PRDM8: variants seen among roughly 807,000 people sequenced by gnomAD.
The protein encoded by PRDM8 is PR/SET domain 8.
A neutral mutation model predicts 46.5 loss-of-function variants in PRDM8; 13 were observed. The observed-to-expected ratio is 0.28, with a 90% CI of 0.18 to 0.44. The LOEUF (loss-of-function observed/expected upper bound fraction) is 0.44, where lower values mean the gene tolerates loss of function less well. Ranked by LOEUF, PRDM8 falls within the 20% of genes least tolerant of loss-of-function variation. The pLI, the probability that PRDM8 is intolerant of heterozygous loss-of-function variation, is 1.00. For synonymous variants in PRDM8, 473 were observed against 438.4 expected, an observed-to-expected ratio of 1.08 and a Z score of -0.98; for missense variants, 998 against 955.0, an observed-to-expected ratio of 1.04 and a Z score of -0.59.
chr4:80,186,162 A>G (rs1324207618), intron 1 of PRDM8, among the ~76,000 whole-genome samples: 1 of 152,144 alleles, frequency 6.6e-6, no homozygotes, highest in African/African-American at 2.4e-5. Flanking sequence ...AAAAGGAAAG[A>G]CTGGGTTGTT....
In PRDM8 at chr4:80,202,314, C is replaced by T; in HGVS notation, c.852C>T (p.Ser284=). 3 of 1,609,248 alleles carry T rather than the reference C, an allele frequency of 1.9e-6. No individual in the cohort carries two copies. Among genetic ancestry groups the T allele is most frequent in the Non-Finnish European group, 2.5e-6 (3 of 1,178,426 alleles). ...GSSCSPAQSL[S]SGSGSGGGGG... is the part of the protein sequence containing the mutation. ...GCTGCTCCCCAGCCCAGAGCCTCAG[C>T]AGCGGTAGCGGCAGCGGCGGCGGCG... The change falls in exon 4 of 4, where the codon AGC becomes AGT. Residue 284 remains serine (S), a synonymous_variant. Transcript: ENST00000415738.
Position 80,201,935 on chromosome 4 carries a change from T to G in PRDM8, c.473T>G (p.Leu158Arg). Residue 158 changes from leucine to arginine, a missense_variant, in exon 4 of 4, where the codon CTG becomes CGG. By Grantham distance (102) the Leu-to-Arg change is moderately radical. Transcript: ENST00000415738. Reference sequence around the variant, plus strand: ...GCAGGGTCGTCCCCTTACACATGCCTGGAATGCAGCCAACGTTTCCAGTTT... The same window carrying G: ...GCAGGGTCGTCCCCTTACACATGCCGGGAATGCAGCCAACGTTTCCAGTTT... ...KMNGSSPYTC[L>R]ECSQRFQFEF... is the part of the protein sequence containing the mutation. 1 of 1,613,994 alleles carries G rather than the reference T, an allele frequency of 6.2e-7. No homozygotes were observed. Among genetic ancestry groups the G allele is most frequent in the Non-Finnish European group, 8.5e-7 (1 of 1,179,988 alleles).
In PRDM8 at chr4:80,203,166, C is replaced by T. The variant is rs1015019745; in HGVS notation, c.1704C>T (p.Gly568=). The T allele has an allele frequency of 6.5e-7, 1 of 1,544,178 alleles. No homozygotes were observed. Among genetic ancestry groups the T allele is most frequent in the Non-Finnish European group, 8.7e-7 (1 of 1,151,034 alleles). ...GCGSLPSGGG[G]LPKQSPFLYA... is the part of the protein sequence containing the mutation. ...GGTCCCTGCCGAGCGGCGGCGGCGG[C>T]CTGCCTAAGCAGAGCCCCTTCCTGT... is the stretch of plus-strand genomic sequence containing the variant. The change falls in exon 4 of 4, where the codon GGC becomes GGT. Residue 568 remains glycine (G), a synonymous_variant. Coordinates refer to ENST00000415738, the MANE Select transcript of PRDM8 (RefSeq NM_001099403.2).
rs766078819 is a variant in PRDM8 at position 80,202,109 on chromosome 4, A to T, written c.647A>T (p.Gln216Leu). The T allele has an allele frequency of 4.0e-5, 64 of 1,606,326 alleles. No individual in the cohort carries two copies. The highest frequency in any genetic ancestry group is 1.0e-4 in the Admixed American group (6 of 59,410). The stretch of plus-strand genomic sequence containing the variant: ...GGTGGCAAAGACCAGCAGCAGCAGC[A>T]GCAGGAGGCACCTTTAGGCCCGGGT... The part of the protein sequence containing the change: ...GGGGKDQQQQ[Q>L]QEAPLGPGPK... The change falls in exon 4 of 4, where the codon CAG (glutamine) becomes CTG (leucine). Residue 216 changes from glutamine to leucine, a missense_variant. Transcript: ENST00000415738.
Position 80,200,129 on chromosome 4 carries a change from G to A in PRDM8, c.49G>A (p.Ala17Thr), listed in dbSNP as rs1279163542. ...AGGCATCTGGGATGGAGATGCCAAG[G>A]CTGTCCAACAATGTCTGACAGATAT... ...QRGIWDGDAK[A>T]VQQCLTDIFT... The change falls in exon 2 of 4, where the codon GCT becomes ACT. Residue 17 changes from alanine to threonine, a missense_variant. Ala to Thr is a moderately conservative substitution (Grantham distance 58). Transcript: ENST00000415738. 1 of 1,613,942 alleles carries A rather than the reference G, an allele frequency of 6.2e-7. No homozygotes were observed. Among genetic ancestry groups the A allele is most frequent in the Non-Finnish European group, 8.5e-7 (1 of 1,180,008 alleles).
chr4:80,197,672 C>T lies in PRDM8; in HGVS notation c.-94C>T, dbSNP rs1407107699. ...ACCAACACCTCTTGACATGGAAATA[C>T]ACTGATACAATAGGCAAAAGGAAAC... On this transcript the variant is annotated 5_prime_UTR_variant, in exon 1 of 4. Transcript: ENST00000415738. The T allele has an allele frequency of 2.0e-6, 2 of 983,172 alleles. No homozygotes were observed. Among genetic ancestry groups the T allele is most frequent in the East Asian group, 2.3e-4 (2 of 8,690 alleles). 60.9% of individuals were successfully genotyped at this position (983,172 alleles called of 1,614,324 possible).
Position 80,203,634 on chromosome 4 carries a change from C to G in PRDM8, c.*102C>G, listed in dbSNP as rs569423315. 172 of 1,463,938 alleles carry G rather than the reference C, an allele frequency of 1.2e-4. 3 individuals carry two copies. In the East Asian group the frequency reaches 4.3e-3, roughly 37 times the overall value. The allele number at this position is 1,463,938 out of a possible 1,614,324, so 90.7% of individuals were successfully genotyped here. On this transcript the variant is annotated 3_prime_UTR_variant, in exon 4 of 4. Transcript: ENST00000415738. The stretch of plus-strand genomic sequence containing the variant: ...CCACCGCTTCCTTGCACCCCGAAAC[C>G]CTGCACAAAGACACATACATTCACC...
rs1738064892 is a variant in PRDM8, at chr4:80,197,625, G to A, written c.-141G>A. On this transcript the variant is annotated 5_prime_UTR_variant, in exon 1 of 4. Transcript: ENST00000415738. The stretch of plus-strand genomic sequence containing the variant: ...CTCCATCTCTCTCTTATCTCTTCAG[G>A]AAGAGCCTAAAAGGCGGCAACACCA... 1.7e-5 allele frequency: 17 copies of A among 981,314 alleles called. No homozygotes were observed. The highest frequency in any genetic ancestry group is 1.9e-5 in the Non-Finnish European group (16 of 826,990). The allele number at this position is 981,314 out of a possible 1,614,324, so 60.8% of individuals were successfully genotyped here.
Position 80,202,467 on chromosome 4 carries a change from CT to C in PRDM8, c.1007del (p.Phe336SerfsTer2). 6 of 1,538,622 alleles carry C rather than the reference CT, an allele frequency of 3.9e-6. No individual in the cohort carries two copies. The highest frequency in any genetic ancestry group is 3.6e-5 in the South Asian group (3 of 83,928). ...GAGLVGGRGR[F>X]VERPLPASKE... is the part of the protein sequence containing the mutation. ...CTGGTCTGGTAGGGGGCCGGGGCCG[CT>C]TCGTAGAGCGGCCCCTCCCGGCCTC... On this transcript the variant is annotated frameshift_variant, in exon 4 of 4. Transcript: ENST00000415738. LOFTEE classifies it high-confidence loss of function.
chr4:80,200,318 T>A lies in PRDM8; in HGVS notation c.219+19T>A. 6.3e-7 allele frequency: 1 copy of A among 1,577,770 alleles called. No individual in the cohort carries two copies. Among genetic ancestry groups the A allele is most frequent in the Non-Finnish European group, 8.7e-7 (1 of 1,147,528 alleles). ...CTTTCGGGTAAGTCTCCACTGTAGC[T>A]GTGTAGGTGTATGAGGGTAATGTCC... On this transcript the variant is annotated intron_variant, in intron 2 of 3. Coordinates refer to ENST00000415738, the MANE Select transcript of PRDM8 (RefSeq NM_001099403.2).
chr4:80,186,548 C>T (rs1737105186), intron 1 of PRDM8, among the ~76,000 whole-genome samples: 1 of 151,978 alleles, frequency 6.6e-6, no homozygotes, highest in South Asian at 2.1e-4. Context: ...AGCAGCAGCT[C>T]TGGGCGGGTA....
rs540537022 is a variant in PRDM8, at chr4:80,187,709, A to G, written c.-983+2191A>G. On this transcript the variant is annotated intron_variant, in intron 1 of 9. Coordinates refer to the PRDM8 transcript ENST00000339711. Reference sequence around the variant, plus strand: ...TGTTGTTGGGTTATGCCCCTTCTCTATATGCAGGGGGATGCAACCTCCTGC... The same window carrying G: ...TGTTGTTGGGTTATGCCCCTTCTCTGTATGCAGGGGGATGCAACCTCCTGC... 2.6e-5 allele frequency among the ~76,000 whole-genome samples: 4 copies of G among 152,192 alleles called. 1 individual carries two copies. The South Asian group carries it at 6.2e-4, about 24-fold the overall frequency.
chr4:80,197,955 G>A (rs984783883), intron 1 of PRDM8, among the ~76,000 whole-genome samples, 192 bp downstream of exon 1: 1 of 152,240 alleles, frequency 6.6e-6, no homozygotes, highest in Admixed American at 6.5e-5. Context: ...AGAAGCCGGA[G>A]ACTGGGGAGC....
upstream of PRDM8, chr4:80,196,703 C>T: frequency 1.1e-6 from 1 of 924,760 alleles, no homozygotes; most frequent in Non-Finnish European, 1.3e-6. Context: ...GCAGAACGCA[C>T]CAAGCAGAGG....
chr4:80,198,979 G>GTTTT (rs1738184321), intron 1 of PRDM8, among the ~76,000 whole-genome samples: 17 of 113,516 alleles, frequency 1.5e-4, no homozygotes, highest in Middle Eastern at 5.0e-3. Context: ...GGTTTTTTTG[G>GTTTT]GTTTTTTTTT....
chr4:80,203,209 C>T lies in PRDM8; in HGVS notation c.1747C>T (p.Pro583Ser), dbSNP rs1319261967. 2 of 1,551,608 alleles carry T rather than the reference C, an allele frequency of 1.3e-6. No individual in the cohort carries two copies. Residue 583 changes from proline (P) to serine (S), a missense_variant, in exon 4 of 4, where the codon CCC becomes TCC. By Grantham distance (74) the Pro-to-Ser change is moderately conservative. Transcript: ENST00000415738. ...SPFLYATAFW[P>S]KSSAAAAAAA... is the part of the protein sequence containing the mutation. ...CTTCCTGTACGCCACCGCCTTCTGG[C>T]CCAAGAGCTCCGCTGCCGCTGCAGC... is the stretch of plus-strand genomic sequence containing the variant.
rs184091398 is a variant in PRDM8 at position 80,199,818 on chromosome 4, A to T, written c.-2-261A>T. Among the ~76,000 whole-genome samples, 47 of 151,916 alleles carry T rather than the reference A, an allele frequency of 3.1e-4. No homozygotes were observed. In the South Asian group the frequency reaches 4.2e-3, roughly 13 times the overall value. ...CATCAAGGTAATGCAAAAATTATCTAGTCTTTCCTAGCCCTTTCTTTTCTT... is the reference window on the plus strand; with the variant it reads ...CATCAAGGTAATGCAAAAATTATCTTGTCTTTCCTAGCCCTTTCTTTTCTT... On this transcript the variant is annotated intron_variant, in intron 1 of 3. Transcript: ENST00000415738.
At chr4:80,201,783 G>T in intron 3 of PRDM8, 131 bp from the exon 4 acceptor site, 1 of 1,367,082 alleles carries the variant, frequency 7.3e-7, no homozygotes, top group Non-Finnish European at 1.0e-6. Flanking sequence ...CTCAGGCCCT[G>T]AGAAATGAAG....
intron 3 of PRDM8, 51 bp downstream of exon 3, chr4:80,201,572 C>G: frequency 3.8e-6 from 6 of 1,559,722 alleles, no homozygotes; most frequent in Non-Finnish European, 5.3e-6. Flanking sequence ...GGGGGAGAGA[C>G]GCAGGGAGCG....
Sources: gnomAD v4.1 joint callset for allele counts (sites outside exome capture counted in the v4.1 genomes callset) on GRCh38, gnomAD v4.1.1 for gene constraint, MANE v1.5 for transcripts, NCBI Gene and HGNC (gene_info 2026-07-23, HGNC 2026-07-21) for gene names.